Variants in MAP2K5 observed in about 807,000 individuals in gnomAD.
MAP2K5 encodes mitogen-activated protein kinase kinase 5, also known as dual specificity mitogen-activated protein kinase kinase 5.
MAP2K5 carries 49 observed loss-of-function variants against 83.1 expected under a neutral mutation model. The observed-to-expected ratio is 0.59, with a 90% CI of 0.47 to 0.75. The LOEUF (loss-of-function observed/expected upper bound fraction) is 0.75. Among genes scored for constraint, MAP2K5 ranks in the 30% least tolerant of loss-of-function variants. MAP2K5 has a pLI of 0.00. For synonymous variants in MAP2K5, 202 were observed against 191.8 expected (o/e 1.05, Z -0.44); for missense variants, 457 against 557.5 (o/e 0.82, Z 1.82).
At chr15:67,602,468 C>T (rs1443930945) in intron 8 of MAP2K5, among the ~76,000 whole-genome samples, 4 of 152,148 alleles carry the variant, frequency 2.6e-5, no homozygotes, top group Non-Finnish European at 5.9e-5. Flanking sequence ...TCCTAACCTA[C>T]TTATCTGTGT....
intron 11 of MAP2K5, among the ~76,000 whole-genome samples, chr15:67,650,800 A>G (rs1267632439): frequency 6.6e-6 from 1 of 151,796 alleles, no homozygotes; most frequent in Non-Finnish European, 1.5e-5. Flanking sequence ...TTTTTTTGTG[A>G]TGTCAGTGTC....
At chr15:67,709,419 A>G (rs1199603260) in intron 16 of MAP2K5, among the ~76,000 whole-genome samples, 1 of 149,330 alleles carries the variant, frequency 6.7e-6, no homozygotes, top group Non-Finnish European at 1.5e-5. Flanking sequence ...ATACTGATTC[A>G]GTTGCCTAGG....
At chr15:67,649,356 T>C (rs896694844) in intron 11 of MAP2K5, among the ~76,000 whole-genome samples, 1 of 152,166 alleles carries the variant, frequency 6.6e-6, no homozygotes, top group African/African-American at 2.4e-5. Context: ...CTTTTTTCTT[T>C]TCTTTTCCTT....
intron 13 of MAP2K5, among the ~76,000 whole-genome samples, chr15:67,672,308 A>C (rs62016207): frequency 6.6e-6 from 1 of 151,370 alleles, no homozygotes; most frequent in African/African-American, 2.4e-5. Flanking sequence ...ATTTCTCTAC[A>C]TCCTCTCCAG....
chr15:67,598,884 G>A lies in MAP2K5; in HGVS notation c.481-1801G>A, dbSNP rs2085587705. 2.0e-5 allele frequency among the ~76,000 whole-genome samples: 3 copies of A among 152,196 alleles called. No homozygotes were observed. In the South Asian group the frequency reaches 6.2e-4, roughly 32 times the overall value. ...TGTCTCTCGTAGAAATTTATGTCAAGCCATGATGAGAGTGTAGCTTGTTAG... is the reference window on the plus strand; with the variant it reads ...TGTCTCTCGTAGAAATTTATGTCAAACCATGATGAGAGTGTAGCTTGTTAG... On this transcript the variant is annotated intron_variant, in intron 7 of 21. Transcript: ENST00000178640.
rs532654646 is a variant in MAP2K5, at chr15:67,588,158, A to G, written c.431+1245A>G. 12 of 943,042 alleles carry G rather than the reference A, an allele frequency of 1.3e-5. No individual in the cohort carries two copies. The African/African-American group carries it at 2.1e-4, about 17-fold the overall frequency. The allele number at this position is 943,042 out of a possible 1,614,324, so 58.4% of individuals were successfully genotyped here. ...GTGAGCAGTGAAGAGCCCTTCACAT[A>G]TGGGTGCTCTGTGTACTCCAGCTTG... On this transcript the variant is annotated intron_variant, in intron 6 of 21. Coordinates refer to ENST00000178640, the MANE Select transcript of MAP2K5 (RefSeq NM_145160.3).
chr15:67,664,484 C>G, intron 12 of MAP2K5, 113 bp from the exon 13 acceptor site: 1 of 637,584 alleles, frequency 1.6e-6, no homozygotes, highest in South Asian at 1.9e-5. Context: ...GCCTAGGTGA[C>G]AGGGTGACAC....
intron 13 of MAP2K5, among the ~76,000 whole-genome samples, chr15:67,666,435 G>T (rs902536059): frequency 2.0e-5 from 3 of 151,906 alleles, no homozygotes; most frequent in Admixed American, 2.0e-4. Flanking sequence ...ATTTGAAATG[G>T]GATCTTGATA....
Position 67,577,004 on chromosome 15 carries a change from C to T in MAP2K5, c.253-3750C>T, listed in dbSNP as rs1210956411. Among the ~76,000 whole-genome samples the T allele has an allele frequency of 7.0e-6, 1 of 143,010 alleles. No individual in the cohort carries two copies. Among genetic ancestry groups the T allele is most frequent in the African/African-American group, 2.5e-5 (1 of 39,864 alleles). 93.8% of individuals were successfully genotyped at this position (143,010 alleles called of 152,430 possible). ...ACTGCGGACTGCAGTGGCGCAATCT[C>T]GGCTCACTGCAAGCTCCGCTTCCCG... On this transcript the variant is annotated intron_variant, in intron 3 of 21. Coordinates refer to ENST00000178640, the MANE Select transcript of MAP2K5 (RefSeq NM_145160.3). This position sits in a 1 kb window ranked among gnomAD's most constrained non-coding sequence, Gnocchi z 4.1.
At chr15:67,578,297 C>A (rs2085106591) in intron 3 of MAP2K5, among the ~76,000 whole-genome samples, 1 of 152,156 alleles carries the variant, frequency 6.6e-6, no homozygotes, top group Admixed American at 6.5e-5. Context: ...ATGCATGGCC[C>A]TGCATTTTAT....
chr15:67,730,210 TTCCTACCCC>T (rs920518559), intron 17 of MAP2K5, among the ~76,000 whole-genome samples: 10 of 152,296 alleles, frequency 6.6e-5, no homozygotes, highest in Admixed American at 1.3e-4. Context: ...ATAAATGCCT[TTCCTACCCC>T]TCCCTTATGC....
At chr15:67,610,502 A>G (rs527911112) in intron 8 of MAP2K5, among the ~76,000 whole-genome samples, 16 of 152,302 alleles carry the variant, frequency 1.1e-4, no homozygotes, top group African/African-American at 3.8e-4. Context: ...GCACAAGCAA[A>G]TATTTGTGTA....
chr15:67,668,206 G>T lies in MAP2K5; in HGVS notation c.847+3561G>T, dbSNP rs2087435682. 1.3e-5 allele frequency among the ~76,000 whole-genome samples: 2 copies of T among 152,060 alleles called. No homozygotes were observed. The highest frequency in any genetic ancestry group is 4.8e-5 in the African/African-American group (2 of 41,394). On this transcript the variant is annotated intron_variant, in intron 13 of 21. Transcript: ENST00000178640. The surrounding 1 kb of genome is among the most constrained non-coding windows in gnomAD (Gnocchi z 4.0). ...TGTGGCATGTTTTTATTATAACCAT[G>T]AATTAATCACTTTATTCAGTTAATA...
At chr15:67,742,527 T>C (rs1271971467) in intron 17 of MAP2K5, among the ~76,000 whole-genome samples, 2 of 152,128 alleles carry the variant, frequency 1.3e-5, no homozygotes, top group Non-Finnish European at 2.9e-5. Flanking sequence ...AGCTGCCCCT[T>C]TCCCATGTCT....
At chr15:67,645,863 A>G (rs914655744) in intron 9 of MAP2K5, among the ~76,000 whole-genome samples, 2 of 152,090 alleles carry the variant, frequency 1.3e-5, no homozygotes, top group African/African-American at 2.4e-5. Flanking sequence ...AGCCAACATA[A>G]TTCTTTTATA....
At chr15:67,564,374 G>C (rs771461789) in intron 3 of MAP2K5, among the ~76,000 whole-genome samples, 2 of 152,182 alleles carry the variant, frequency 1.3e-5, no homozygotes, top group Non-Finnish European at 2.9e-5. Context: ...TGGAATCAGG[G>C]CTCTTGCTTT....
intron 21 of MAP2K5, among the ~76,000 whole-genome samples, chr15:67,799,146 G>A (rs2090658083): frequency 1.3e-5 from 2 of 152,234 alleles, no homozygotes; most frequent in South Asian, 4.1e-4. Flanking sequence ...TCCAGCCTGG[G>A]CGACAGAGCG....
At chr15:67,616,696 C>T (rs757602167) in intron 8 of MAP2K5, among the ~76,000 whole-genome samples, 25 of 152,166 alleles carry the variant, frequency 1.6e-4, no homozygotes, top group Non-Finnish European at 2.8e-4. Context: ...TACCTGTTCT[C>T]TGAGAGACAT....
At chr15:67,729,986 A>T (rs1466264378) in intron 17 of MAP2K5, among the ~76,000 whole-genome samples, 1 of 152,242 alleles carries the variant, frequency 6.6e-6, no homozygotes, top group Non-Finnish European at 1.5e-5. Flanking sequence ...GCGGGAAACA[A>T]CTGTATTCCT....
Sources: allele counts gnomAD v4.1 joint callset (sites outside exome capture counted in the v4.1 genomes callset), GRCh38; gene constraint gnomAD v4.1.1; non-coding constraint Gnocchi (gnomAD v3.1); transcripts MANE v1.5; gene names NCBI Gene and HGNC (gene_info 2026-07-23, HGNC 2026-07-21).